The following TMEM132C variants were observed in gnomAD, a reference collection of about 807,000 sequenced individuals.
TMEM132C encodes the protein protein phosphatase 1, regulatory subunit 152.
In TMEM132C, 29 loss-of-function variants were observed where a neutral mutation model predicts 61.4. The ratio of observed to expected loss-of-function variants is 0.47; its 90% confidence interval spans 0.35 to 0.64. The LOEUF (loss-of-function observed/expected upper bound fraction) is 0.64. TMEM132C is among the 30% of genes least tolerant of loss of function. The pLI, the probability that TMEM132C is intolerant of heterozygous loss-of-function variation, is 0.00. For synonymous variants in TMEM132C, 656 were observed against 633.1 expected, an observed-to-expected ratio of 1.04 and a Z score of -0.54; for missense variants, 1,408 against 1,476.9, an observed-to-expected ratio of 0.95 and a Z score of 0.76.
intron 2 of TMEM132C, among the ~76,000 whole-genome samples, chr12:128,527,991 A>AT (rs1396173152): frequency 6.6e-6 from 1 of 152,108 alleles, no homozygotes; most frequent in African/African-American, 2.4e-5. Context: ...CTGCTAGGAG[A>AT]TTTTTTAAAA....
chr12:128,417,148 AG>A (rs1868809085), intron 2 of TMEM132C, among the ~76,000 whole-genome samples: 1 of 152,080 alleles, frequency 6.6e-6, no homozygotes. Context: ...GGGAGCTCTG[AG>A]TTTAATTTTT....
At chr12:128,666,121 CCACA>C (rs1184108480) in intron 4 of TMEM132C, among the ~76,000 whole-genome samples, 7 of 80,586 alleles carry the variant, frequency 8.7e-5, no homozygotes, top group African/African-American at 2.5e-4. Flanking sequence ...ACACAGGCAC[CCACA>C]CACACAGGCA....
chr12:128,616,459 C>T (rs1160171505), intron 4 of TMEM132C, 124 bp downstream of exon 4: 19 of 1,008,198 alleles, frequency 1.9e-5, no homozygotes, highest in Non-Finnish European at 2.4e-5. Context: ...CAAAGTTTCT[C>T]GTCTTTCCTC....
chr12:128,644,119 T>C (rs748339365), intron 4 of TMEM132C, among the ~76,000 whole-genome samples: 3 of 152,124 alleles, frequency 2.0e-5, no homozygotes, highest in Non-Finnish European at 4.4e-5. Context: ...GGTGTGGATG[T>C]GGGGAACTGG....
intron 3 of TMEM132C, among the ~76,000 whole-genome samples, chr12:128,550,422 G>A (rs113812680): frequency 6.6e-6 from 1 of 151,816 alleles, no homozygotes; most frequent in South Asian, 2.1e-4. Context: ...CCTCTCAAGC[G>A]ATCCGCCAAG....
intron 8 of TMEM132C, among the ~76,000 whole-genome samples, chr12:128,700,112 G>C (rs777495886): frequency 2.0e-5 from 3 of 152,134 alleles, no homozygotes; most frequent in African/African-American, 4.8e-5. Context: ...CCTTGGCATG[G>C]GGTATGGCCG....
chr12:128,317,002 T>G (rs1461982770), intron 1 of TMEM132C, among the ~76,000 whole-genome samples: 1 of 152,244 alleles, frequency 6.6e-6, no homozygotes, highest in Non-Finnish European at 1.5e-5. Context: ...TTATGTACTT[T>G]AGAATGCAGT....
chr12:128,388,727 G>A (rs958035655), intron 1 of TMEM132C, among the ~76,000 whole-genome samples: 14 of 152,372 alleles, frequency 9.2e-5, no homozygotes, highest in East Asian at 5.8e-4. Context: ...GGCTTGGGCC[G>A]TGTGCTCTGT....
intron 2 of TMEM132C, among the ~76,000 whole-genome samples, chr12:128,468,882 A>G (rs1234706789): frequency 1.3e-5 from 2 of 152,224 alleles, no homozygotes. Context: ...ATTAGTTTAA[A>G]ATATTAAATA....
At chr12:128,675,671 G>A (rs1241628925) in intron 5 of TMEM132C, among the ~76,000 whole-genome samples, 2 of 152,102 alleles carry the variant, frequency 1.3e-5, no homozygotes, top group Non-Finnish European at 2.9e-5. Context: ...CAGATAGGCA[G>A]GTAGATGGAT....
chr12:128,692,623 T>C (rs536148648), intron 5 of TMEM132C, among the ~76,000 whole-genome samples: 44 of 152,350 alleles, frequency 2.9e-4, no homozygotes, highest in Non-Finnish European at 4.6e-4. Flanking sequence ...TATAATCTTC[T>C]GTTCACAGTT....
rs755317217 is a variant in TMEM132C at position 128,706,153 on chromosome 12, T to TC, written c.3191dup (p.Asp1065GlyfsTer15). 2 of 1,549,304 alleles carry TC rather than the reference T, an allele frequency of 1.3e-6. No individual in the cohort carries two copies. The highest frequency in any genetic ancestry group is 1.7e-6 in the Non-Finnish European group (2 of 1,145,924). On this transcript the variant is annotated frameshift_variant, in exon 9 of 9. Transcript: ENST00000435159. LOFTEE classifies it low-confidence loss of function (END_TRUNC). ...GTGAAATTTACCACCTTTACCACCA[T>TC]CCCCCCGGACGACAGCTGCCCCACG...
At chr12:128,407,618 G>T (rs1453590871) in intron 1 of TMEM132C, among the ~76,000 whole-genome samples, 3 of 152,140 alleles carry the variant, frequency 2.0e-5, no homozygotes, top group African/African-American at 7.2e-5. Flanking sequence ...CCTCCACATG[G>T]TCTCTTCTCC....
intron 3 of TMEM132C, among the ~76,000 whole-genome samples, chr12:128,568,112 T>G (rs1201167409): frequency 6.6e-6 from 1 of 152,182 alleles, no homozygotes; most frequent in African/African-American, 2.4e-5. Context: ...AGGGAACAAA[T>G]GATGCCAGGA....
intron 1 of TMEM132C, among the ~76,000 whole-genome samples, chr12:128,269,026 G>T (rs1184293993): frequency 3.3e-5 from 5 of 151,566 alleles, no homozygotes; most frequent in Non-Finnish European, 7.4e-5. Flanking sequence ...TATTTTATTT[G>T]AAAGAGTCAA....
At chr12:128,587,074 G>A (rs1333217031) in intron 3 of TMEM132C, among the ~76,000 whole-genome samples, 1 of 152,260 alleles carries the variant, frequency 6.6e-6, no homozygotes, top group Non-Finnish European at 1.5e-5. Context: ...GATGCATCAT[G>A]TACAGCTCCA....
At chr12:128,641,191 T>C (rs1211454237) in intron 4 of TMEM132C, among the ~76,000 whole-genome samples, 2 of 152,128 alleles carry the variant, frequency 1.3e-5, no homozygotes, top group African/African-American at 4.8e-5. Flanking sequence ...GCCTCATTTG[T>C]GCCCTTGTCC....
chr12:128,513,695 A>T (rs563589867), intron 2 of TMEM132C, among the ~76,000 whole-genome samples: 1 of 152,320 alleles, frequency 6.6e-6, no homozygotes, highest in South Asian at 2.1e-4. Context: ...AGGTATAAAA[A>T]TGAGATGTAG....
rs552734664 is a variant in TMEM132C at position 128,635,306 on chromosome 12, G to C, written c.1305+18971G>C. ...AGAAATCACCAAAGCCGAAGTCCCT[G>C]CATACTAAAGATTCTTGAAAGTAAA... On this transcript the variant is annotated intron_variant, in intron 4 of 8. Coordinates refer to ENST00000435159, the MANE Select transcript of TMEM132C (RefSeq NM_001136103.3). 2.0e-5 allele frequency among the ~76,000 whole-genome samples: 3 copies of C among 152,244 alleles called. No individual in the cohort carries two copies. In the South Asian group the frequency reaches 6.2e-4, roughly 32 times the overall value.
Sources: gnomAD v4.1 joint callset for allele counts (sites outside exome capture counted in the v4.1 genomes callset) on GRCh38, gnomAD v4.1.1 for gene constraint, MANE v1.5 for transcripts, NCBI Gene and HGNC (gene_info 2026-07-23, HGNC 2026-07-21) for gene names.